Variants in GLI2 observed in about 807,000 individuals in gnomAD.
GLI2 encodes the protein GLI family zinc finger 2.
In GLI2, 22 loss-of-function variants were observed where a neutral mutation model predicts 78.9. The ratio of observed to expected loss-of-function variants is 0.28; its 90% CI spans 0.20 to 0.40. The LOEUF (loss-of-function observed/expected upper bound fraction) is 0.40, where lower values mean the gene tolerates loss of function less well. Among genes scored for constraint, GLI2 ranks in the 10% least tolerant of loss-of-function variants. GLI2 has a pLI of 1.00. For synonymous variants in GLI2, 974 were observed against 963.7 expected (o/e 1.01, Z -0.20); for missense variants, 2,097 against 2,213.2 (o/e 0.95, Z 1.05).
At position 120,927,345 on chromosome 2, in the gene GLI2, C is replaced by G; in HGVS notation, c.149-16C>G. 6.3e-7 allele frequency: 1 copy of G among 1,583,384 alleles called. No individual in the cohort carries two copies. Among genetic ancestry groups the G allele is most frequent in the East Asian group, 2.2e-5 (1 of 44,730 alleles). On this transcript the variant is annotated splice_polypyrimidine_tract_variant and intron_variant, in intron 2 of 13. Coordinates refer to ENST00000361492, the MANE Select transcript of GLI2 (RefSeq NM_001374353.1). ...GGAAAGTTTTTGAAGTCTTGTTTCT[C>G]TCTCCCCCTCTGCAGTGCCGCAGCA... is the stretch of plus-strand genomic sequence containing the variant.
rs751570899 is a variant in GLI2, at chr2:120,927,437, C to A, written c.225C>A (p.Tyr75Ter). ...GACACCAGGAAGGAAGGTACCATTA[C>A]GAGCCTCATTCTGTCCACGGTGTGC... ...DMRHQEGRYHYEPHSVHGVHG... is the reference protein window; with the variant it reads ...DMRHQEGRYH Residue 75 changes from tyrosine (Y) to a stop codon, truncating the protein, a stop_gained, in exon 3 of 14, where the codon TAC (tyrosine) becomes TAA (stop). Transcript: ENST00000361492. LOFTEE classifies it high-confidence loss of function. The A allele has an allele frequency of 1.2e-6, 2 of 1,613,520 alleles. No individual in the cohort carries two copies. Among genetic ancestry groups the A allele is most frequent in the Non-Finnish European group, 8.5e-7 (1 of 1,179,394 alleles).
chr2:120,915,156 C>G (rs995135325), intron 2 of GLI2, among the ~76,000 whole-genome samples: 2 of 152,182 alleles, frequency 1.3e-5, no homozygotes, highest in African/African-American at 4.8e-5. Flanking sequence ...GCTGTGCTGG[C>G]CCCAGCCCAG....
At chr2:120,958,504 C>T (rs1033023844) in intron 5 of GLI2, among the ~76,000 whole-genome samples, 4 of 152,234 alleles carry the variant, frequency 2.6e-5, no homozygotes, top group South Asian at 2.1e-4. Flanking sequence ...ATATCGCCCT[C>T]GTAGCACTGC....
intron 6 of GLI2, among the ~76,000 whole-genome samples, chr2:120,970,152 A>G (rs1682067343): frequency 6.6e-6 from 1 of 152,088 alleles, no homozygotes; most frequent in Non-Finnish European, 1.5e-5. Context: ...CCCTGCTGGG[A>G]GCCAGCCTGC....
intron 2 of GLI2, among the ~76,000 whole-genome samples, chr2:120,919,756 G>A (rs1655923130): frequency 6.6e-6 from 1 of 152,268 alleles, no homozygotes; most frequent in Non-Finnish European, 1.5e-5. Flanking sequence ...GGGCCCTGGT[G>A]TTTGGAACCA....
intron 2 of GLI2, among the ~76,000 whole-genome samples, chr2:120,811,718 T>G (rs1056989163): frequency 6.6e-6 from 1 of 152,096 alleles, no homozygotes; most frequent in African/African-American, 2.4e-5. Context: ...TGAAGGGCTT[T>G]GAGCAGGGGA....
chr2:120,811,249 T>A (rs1388217057), intron 2 of GLI2, among the ~76,000 whole-genome samples: 1 of 152,128 alleles, frequency 6.6e-6, no homozygotes, highest in Non-Finnish European at 1.5e-5. Flanking sequence ...CCTGTAGACA[T>A]CCACTGGTGG....
intron 8 of GLI2, chr2:120,972,594 T>G: frequency 3.9e-6 from 2 of 515,892 alleles, no homozygotes; most frequent in Non-Finnish European, 7.7e-6. Flanking sequence ...CCTGTCTCCC[T>G]GTCTGCACTC....
chr2:120,753,293 G>A (rs1393154401), intron 1 of GLI2, among the ~76,000 whole-genome samples: 1 of 151,906 alleles, frequency 6.6e-6, no homozygotes, highest in South Asian at 2.1e-4. Context: ...ACAGGGTTTC[G>A]CCATGTTGGC....
chr2:120,738,859 G>A (rs1015833451), intron 1 of GLI2, among the ~76,000 whole-genome samples: 14 of 152,210 alleles, frequency 9.2e-5, no homozygotes, highest in African/African-American at 3.1e-4. Context: ...TGGCCTTGAA[G>A]GGGACTCTTG....
chr2:120,945,957 T>TCACACACACACACACACACACACACA lies in GLI2; in HGVS notation c.255-5277_255-5252dup, dbSNP rs3223143. ...GCCCTGCCCCTCAGGCATAACCTTC[T>TCACACACACACACACACACACACACA]CACACACACACACACACACACACAC... On this transcript the variant is annotated intron_variant, in intron 3 of 13. Transcript: ENST00000361492. Among the ~76,000 whole-genome samples the TCACACACACACACACACACACACACA allele has an allele frequency of 2.2e-3, 291 of 134,246 alleles. 6 individuals are homozygous for TCACACACACACACACACACACACACA. The highest frequency in any genetic ancestry group is 8.3e-3 in the Middle Eastern group (2 of 242). The allele number at this position is 134,246 out of a possible 152,430, so 88.1% of individuals were successfully genotyped here. A position where few individuals can be genotyped will look rare whatever the true frequency, so the allele number is the denominator to read the frequency against.
At position 120,968,847 on chromosome 2, in the gene GLI2, C is replaced by T. The variant is rs377117880; in HGVS notation, c.777C>T (p.Tyr259=). The change falls in exon 6 of 14, where the codon TAC becomes TAT. Residue 259 remains tyrosine, a synonymous_variant. Transcript: ENST00000361492. ...IRTSPNSLVA[Y]INNSRSSSAA... ...CCTCACCCAACTCGCTAGTGGCCTA[C>T]ATCAACAACTCCCGAAGCAGCTCGG... 13 of 1,613,740 alleles carry T rather than the reference C, an allele frequency of 8.1e-6. No individual in the cohort carries two copies. Among genetic ancestry groups the T allele is most frequent in the South Asian group, 1.1e-5 (1 of 91,072 alleles).
intron 1 of GLI2, among the ~76,000 whole-genome samples, chr2:120,791,917 G>T (rs1028538814): frequency 6.6e-6 from 1 of 152,120 alleles, no homozygotes; most frequent in Non-Finnish European, 1.5e-5. Context: ...TGCTGTGTGA[G>T]TGTGTGAGCC....
chr2:120,982,167 C>T (rs1682745332), intron 10 of GLI2, among the ~76,000 whole-genome samples: 1 of 152,116 alleles, frequency 6.6e-6, no homozygotes, highest in Admixed American at 6.5e-5. Flanking sequence ...TATGCAGAGG[C>T]CCCAAGCCAG....
intron 1 of GLI2, among the ~76,000 whole-genome samples, chr2:120,736,985 C>G (rs1296498501): frequency 1.3e-5 from 2 of 152,162 alleles, no homozygotes; most frequent in East Asian, 3.9e-4. Flanking sequence ...CCGGTTCCCC[C>G]TTCCACCTCA....
At chr2:120,900,929 CCTTTTT>C (rs1479791067) in intron 2 of GLI2, among the ~76,000 whole-genome samples, 3 of 152,168 alleles carry the variant, frequency 2.0e-5, no homozygotes, top group Non-Finnish European at 4.4e-5. Flanking sequence ...AGAATTTGAT[CCTTTTT>C]CTTTTTAAGA....
intron 1 of GLI2, among the ~76,000 whole-genome samples, chr2:120,753,979 T>C (rs1344359192): frequency 1.3e-5 from 2 of 152,076 alleles, no homozygotes; most frequent in African/African-American, 2.4e-5. Context: ...TTTTTTCTTG[T>C]GCCATCTCTA....
intron 2 of GLI2, among the ~76,000 whole-genome samples, chr2:120,832,197 C>T (rs891691330): frequency 6.6e-6 from 1 of 152,218 alleles, no homozygotes; most frequent in Non-Finnish European, 1.5e-5. Context: ...AAGAGCTCAT[C>T]GGTCTTGAAT....
At chr2:120,968,647 C>T in intron 5 of GLI2, 67 bp from the exon 6 acceptor site, 1 of 1,133,164 alleles carries the variant, frequency 8.8e-7, no homozygotes, top group Non-Finnish European at 1.3e-6. Flanking sequence ...TCCTATCCCC[C>T]ACCCACATGT....
Sources: gnomAD v4.1 joint callset for allele counts (sites outside exome capture counted in the v4.1 genomes callset) on GRCh38, gnomAD v4.1.1 for gene constraint, MANE v1.5 for transcripts, NCBI Gene and HGNC (gene_info 2026-07-23, HGNC 2026-07-21) for gene names.